Variants in DOCK6 observed in about 807,000 individuals in gnomAD.
DOCK6 encodes dedicator of cytokinesis 6, also known as dedicator of cytokinesis protein 6.
Under a neutral mutation model 230.3 loss-of-function variants are expected in DOCK6, and 167 were observed. The observed-to-expected ratio is 0.73, with a 90% CI of 0.64 to 0.82. DOCK6 has a LOEUF of 0.82. DOCK6 is among the 40% of genes least tolerant of loss of function. DOCK6 has a pLI of 0.00. For synonymous variants in DOCK6, 1,148 were observed against 1,185.0 expected, an observed-to-expected ratio of 0.97 and a Z score of 0.64; for missense variants, 2,598 against 2,825.8, an observed-to-expected ratio of 0.92 and a Z score of 1.83.
At chr19:11,205,044 A>T (rs547025242) in intron 39 of DOCK6, among the ~76,000 whole-genome samples, 90 of 152,278 alleles carry the variant, frequency 5.9e-4, no homozygotes, top group African/African-American at 2.2e-3. Context: ...CATGACCTCC[A>T]TGCCCAACTG....
chr19:11,210,828 G>C (rs2079371273), intron 37 of DOCK6, among the ~76,000 whole-genome samples: 1 of 140,686 alleles, frequency 7.1e-6, no homozygotes, highest in Admixed American at 7.1e-5. Context: ...TTCTCATCTG[G>C]CCATCTCTTC....
In DOCK6 at chr19:11,252,252, G is replaced by A; in HGVS notation, c.378-4C>T. On this transcript the variant is annotated splice_region_variant and splice_polypyrimidine_tract_variant and intron_variant, in intron 4 of 47. Transcript: ENST00000294618. ...TGCTGCACTCAGGTACTGATACCTA[G>A]CAGGAAACGGGGCTGGGCAGGTAGG... The A allele has an allele frequency of 1.3e-6, 2 of 1,581,814 alleles. No individual in the cohort carries two copies. The highest frequency in any genetic ancestry group is 1.7e-6 in the Non-Finnish European group (2 of 1,163,438).
At chr19:11,253,090 TAC>T in intron 2 of DOCK6, 132 bp from the exon 3 acceptor site, 1 of 892,624 alleles carries the variant, frequency 1.1e-6, no homozygotes, top group Non-Finnish European at 1.7e-6. Flanking sequence ...GTGTTGGAGT[TAC>T]GGAGGAACCA....
At chr19:11,203,541 G>T (rs2079205834) in intron 41 of DOCK6, 1 of 154,406 alleles carries the variant, frequency 6.5e-6, no homozygotes, top group Admixed American at 6.5e-5. Flanking sequence ...TCTTTGGCCA[G>T]AACATTCTCC....
chr19:11,248,534 C>T (rs560604673), intron 6 of DOCK6, among the ~76,000 whole-genome samples: 32 of 152,096 alleles, frequency 2.1e-4, no homozygotes, highest in South Asian at 8.3e-4. Flanking sequence ...CCTCAGCCTC[C>T]GGAGTAGCTG....
Position 11,243,267 on chromosome 19 carries a change from G to A in DOCK6, c.1377C>T (p.Phe459=), listed in dbSNP as rs1482892946. Residue 459 remains phenylalanine (F), a synonymous_variant, in exon 12 of 48, where the codon TTC becomes TTT. Transcript: ENST00000294618. This position sits in a 1 kb window ranked among gnomAD's most constrained non-coding sequence, Gnocchi z 6.3. ...CCCCAGGGTAGGACACCTGCTTAAA[G>A]AAGTTTGTGACAGTTAGCGTGGCTG... ...FRPATLTVTN[F]FKQEAERLSD... is the part of the protein sequence containing the mutation. 6.2e-7 allele frequency: 1 copy of A among 1,611,576 alleles called. No homozygotes were observed. The highest frequency in any genetic ancestry group is 1.1e-5 in the South Asian group (1 of 90,640).
rs374303943 is a variant in DOCK6 at position 11,235,638 on chromosome 19, G to A, written c.2514C>T (p.Tyr838=). ...GCTCAGTGCCAGGAAGGCGAAAGGC[G>A]TAGTGGACGTAGGCAGCCAGCTGTG... The part of the protein sequence containing the change: ...HCPQLAAYVH[Y]AFRLPGTEPS... Residue 838 remains tyrosine (Y), a synonymous_variant, in exon 21 of 48, where the codon TAC becomes TAT. Transcript: ENST00000294618. The A allele has an allele frequency of 1.5e-4, 237 of 1,603,184 alleles. No homozygotes were observed. The highest frequency in any genetic ancestry group is 1.4e-3 in the African/African-American group (108 of 74,868).
At position 11,201,995 on chromosome 19, in the gene DOCK6, C is replaced by T. The variant is rs115035890; in HGVS notation, c.5582G>A (p.Arg1861His). The change falls in exon 44 of 48, where the codon CGC becomes CAC. Residue 1861 changes from arginine (R) to histidine (H), a missense_variant. Physicochemically the swap from Arg to His is conservative, Grantham distance 29 (BLOSUM62 0). Coordinates refer to ENST00000294618, the MANE Select transcript of DOCK6 (RefSeq NM_020812.4). This position sits in a 1 kb window ranked among gnomAD's most constrained non-coding sequence, Gnocchi z 4.3. ...LFCTPFTPDG[R>H]AHGELPEQHK... is the part of the protein sequence containing the mutation. ...TTGCTCGGGCAGCTCCCCGTGTGCG[C>T]GCCCATCCGGCGTGAACGGCGTGCA... 2,401 of 1,614,042 alleles carry T rather than the reference C, an allele frequency of 1.5e-3. 1 individual carries two copies. Among genetic ancestry groups the T allele is most frequent in the Non-Finnish European group, 1.8e-3 (2,139 of 1,179,896 alleles).
rs1157540204 is a variant in DOCK6, at chr19:11,221,864, C to T, written c.3537G>A (p.Leu1179=). ...LSIARDTLPR[L]HDFAEGPGQR... ...TGGCCCACTGACCAGCAAAGTCATG[C>T]AGCCGTGGCAAGGTATCCCGTGCAA... The change falls in exon 28 of 48, where the codon CTG becomes CTA. Residue 1179 remains leucine (L), a synonymous_variant. Coordinates refer to ENST00000294618, the MANE Select transcript of DOCK6 (RefSeq NM_020812.4). 1.9e-6 allele frequency: 3 copies of T among 1,613,782 alleles called. No homozygotes were observed. Among genetic ancestry groups the T allele is most frequent in the Non-Finnish European group, 2.5e-6 (3 of 1,179,914 alleles).
chr19:11,247,876 C>T, intron 7 of DOCK6, 190 bp downstream of exon 7: 1 of 584,436 alleles, frequency 1.7e-6, no homozygotes, highest in Non-Finnish European at 3.1e-6. Context: ...ATACAATTGG[C>T]ACTTAAGGAT....
intron 1 of DOCK6, among the ~76,000 whole-genome samples, chr19:11,261,679 C>G (rs1028294321): frequency 2.0e-5 from 3 of 152,128 alleles, no homozygotes; most frequent in African/African-American, 7.2e-5. Flanking sequence ...GAAATGGATC[C>G]CCCAGCGCCT....
intron 1 of DOCK6, among the ~76,000 whole-genome samples, chr19:11,261,230 TC>T (rs2080282174): frequency 6.6e-6 from 1 of 151,590 alleles, no homozygotes; most frequent in East Asian, 1.9e-4. Context: ...TCCCACTCTT[TC>T]CCCCCACAAA....
chr19:11,252,362 C>A, intron 4 of DOCK6, 114 bp from the exon 5 acceptor site: 1 of 1,580,616 alleles, frequency 6.3e-7, no homozygotes. Flanking sequence ...TGTGCTCCAC[C>A]AGACAAGTTT....
At chr19:11,230,977 C>T (rs2079756267) in intron 22 of DOCK6, among the ~76,000 whole-genome samples, 1 of 152,160 alleles carries the variant, frequency 6.6e-6, no homozygotes, top group African/African-American at 2.4e-5. Flanking sequence ...CCAGTCCCAG[C>T]CATACCCTGG....
chr19:11,212,539 G>C (rs778263544), intron 35 of DOCK6, among the ~76,000 whole-genome samples: 1 of 149,120 alleles, frequency 6.7e-6, no homozygotes, highest in African/African-American at 2.5e-5. Flanking sequence ...ACTGCGCCCA[G>C]CATTTTTTCT....
chr19:11,204,245 C>T lies in DOCK6; in HGVS notation c.5175G>A (p.Ala1725=), dbSNP rs763820672. The T allele has an allele frequency of 3.7e-5, 59 of 1,588,438 alleles. No individual in the cohort carries two copies. Among genetic ancestry groups the T allele is most frequent in the East Asian group, 2.3e-4 (10 of 43,856 alleles). The change falls in exon 40 of 48, where the codon GCG becomes GCA. Residue 1725 remains alanine (A), a synonymous_variant. Coordinates refer to ENST00000294618, the MANE Select transcript of DOCK6 (RefSeq NM_020812.4). The part of the protein sequence containing the change: ...EAHRDYKKLA[A]VHGKLQEAFT... The stretch of plus-strand genomic sequence containing the variant: ...AGGCCTCCTGCAGTTTGCCGTGCAC[C>T]GCGGCCAGCTTCTTGTAGTCACGGT...
At position 11,204,217 on chromosome 19, in the gene DOCK6, T is replaced by G; in HGVS notation, c.5203A>C (p.Thr1735Pro). The change falls in exon 40 of 48, where the codon ACC (threonine) becomes CCC (proline). Residue 1735 changes from threonine to proline, a missense_variant. Coordinates refer to ENST00000294618, the MANE Select transcript of DOCK6 (RefSeq NM_020812.4). ...GGGCCCACCTGGTGCATGATCTTGGTGAAGGCCTCCTGCAGTTTGCCGTGC... is the reference window on the plus strand; with the variant it reads ...GGGCCCACCTGGTGCATGATCTTGGGGAAGGCCTCCTGCAGTTTGCCGTGC... ...AVHGKLQEAF[T>P]KIMHQSSGWE... 9 of 1,560,676 alleles carry G rather than the reference T, an allele frequency of 5.8e-6. No homozygotes were observed. Among genetic ancestry groups the G allele is most frequent in the Non-Finnish European group, 7.8e-6 (9 of 1,151,302 alleles).
chr19:11,243,876 T>C lies in DOCK6; in HGVS notation c.1030A>G (p.Lys344Glu). The C allele has an allele frequency of 6.2e-7, 1 of 1,609,768 alleles. No homozygotes were observed. The highest frequency in any genetic ancestry group is 8.5e-7 in the Non-Finnish European group (1 of 1,178,196). ...CTGATGTCCCCTTGCTGAAGCACCT[T>C]CTCCAACTGCGGGGCAGATGAATGA... Reference protein sequence around the residue: ...PDIFLVIKLEKVLQQGDISEC... With the variant: ...PDIFLVIKLEEVLQQGDISEC... Residue 344 changes from lysine to glutamate, a missense_variant, in exon 10 of 48, where the codon AAG (lysine) becomes GAG (glutamate). By Grantham distance (56) the Lys-to-Glu change is moderately conservative. Coordinates refer to ENST00000294618, the MANE Select transcript of DOCK6 (RefSeq NM_020812.4). The surrounding 1 kb of genome is among the most constrained non-coding windows in gnomAD (Gnocchi z 6.3).
chr19:11,212,549 TTTTCTTTC>T (rs200384092), intron 35 of DOCK6, among the ~76,000 whole-genome samples: 1 of 141,742 alleles, frequency 7.1e-6, no homozygotes, highest in Non-Finnish European at 1.5e-5. Flanking sequence ...GCATTTTTTC[TTTTCTTTC>T]TTTCTTTCTT....
Sources: allele counts gnomAD v4.1 joint callset (sites outside exome capture counted in the v4.1 genomes callset), GRCh38; gene constraint gnomAD v4.1.1; non-coding constraint Gnocchi (gnomAD v3.1); transcripts MANE v1.5; gene names NCBI Gene and HGNC (gene_info 2026-07-23, HGNC 2026-07-21).